The following QDPR variants were observed in gnomAD, a reference collection of about 807,000 sequenced individuals.
QDPR encodes the protein quinoid dihydropteridine reductase, also known as dihydropteridine reductase.
Under a neutral mutation model 31.7 loss-of-function variants are expected in QDPR, and 23 were observed. That is an observed-to-expected ratio of 0.73 (90% CI 0.52 to 1.03). The LOEUF (loss-of-function observed/expected upper bound fraction) is 1.03. Ranked by LOEUF, QDPR falls within the 50% of genes least tolerant of loss-of-function variation. The pLI is 0.00. For synonymous variants in QDPR, 124 were observed against 124.7 expected, an observed-to-expected ratio of 0.99 and a Z score of 0.03; for missense variants, 324 against 323.8, an observed-to-expected ratio of 1.00 and a Z score of 0.00.
chr4:17,511,292 T>G (rs1030964537), intron 1 of QDPR, among the ~76,000 whole-genome samples: 1 of 152,168 alleles, frequency 6.6e-6, no homozygotes, highest in African/African-American at 2.4e-5. Flanking sequence ...AATTGACACC[T>G]GACTATGCAA....
Position 17,509,341 on chromosome 4 carries a change from A to G in QDPR, c.128T>C (p.Val43Ala). Residue 43 changes from valine to alanine, a missense_variant, in exon 2 of 7, where the codon GTG becomes GCG. Physicochemically the swap from Val to Ala is moderately conservative, Grantham distance 64. Transcript: ENST00000281243. Reference sequence around the variant, plus strand: ...GCTAGCGCTGGCCTCTTCATTCTCCACCACATCAACGCTGGCAACCCACTG... The same window carrying G: ...GCTAGCGCTGGCCTCTTCATTCTCCGCCACATCAACGCTGGCAACCCACTG... Reference protein sequence around the residue: ...RNWWVASVDVVENEEASASII... With the variant: ...RNWWVASVDVAENEEASASII... The G allele has an allele frequency of 6.2e-7, 1 of 1,613,818 alleles. No homozygotes were observed. Among genetic ancestry groups the G allele is most frequent in the Non-Finnish European group, 8.5e-7 (1 of 1,179,838 alleles).
intron 6 of QDPR, 35 bp from the exon 7 acceptor site, chr4:17,487,271 CA>C: frequency 6.9e-7 from 1 of 1,452,152 alleles, no homozygotes; most frequent in African/African-American, 1.5e-5. Context: ...TTTATATTCT[CA>C]AAGCAAAAAT....
chr4:17,501,983 A>G, intron 3 of QDPR, 124 bp from the exon 4 acceptor site: 1 of 1,171,628 alleles, frequency 8.5e-7, no homozygotes, highest in Non-Finnish European at 1.2e-6. Context: ...ATCTACAGCA[A>G]GGTCTAACAC....
intron 1 of QDPR, chr4:17,510,070 A>C (rs1481828832): frequency 2.3e-6 from 1 of 427,842 alleles, no homozygotes; most frequent in Admixed American, 2.7e-5. Flanking sequence ...GAATTTCATT[A>C]ATTTTCATAT....
intron 6 of QDPR, chr4:17,490,187 A>G: frequency 9.9e-6 from 2 of 201,326 alleles, no homozygotes; most frequent in Non-Finnish European, 2.1e-5. Flanking sequence ...ACAGATTCAG[A>G]TATGTGCCCC....
intron 4 of QDPR, among the ~76,000 whole-genome samples, chr4:17,497,740 A>T (rs1718417086): frequency 6.6e-6 from 1 of 152,166 alleles, no homozygotes; most frequent in Non-Finnish European, 1.5e-5. Context: ...AGCTTAGCCC[A>T]ACAAGCCAAG....
At chr4:17,511,874 TGCC>T (rs1719023199) in intron 1 of QDPR, 73 bp downstream of exon 1, 9 of 1,434,714 alleles carry the variant, frequency 6.3e-6, no homozygotes, top group Non-Finnish European at 8.4e-6. Context: ...TCCTCTAGAC[TGCC>T]CCCCGCCGGG....
intron 2 of QDPR, among the ~76,000 whole-genome samples, chr4:17,506,188 G>C (rs1417860031): frequency 6.6e-6 from 1 of 152,172 alleles, no homozygotes; most frequent in Non-Finnish European, 1.5e-5. Context: ...GGAGTGCAGT[G>C]GCATGATCTC....
At chr4:17,492,462 C>G (rs553437283) in intron 4 of QDPR, 122 bp from the exon 5 acceptor site, 130 of 808,956 alleles carry the variant, frequency 1.6e-4, no homozygotes, top group Non-Finnish European at 2.4e-4. Context: ...ATCTGGCCTC[C>G]TCCTTCAGGT....
At chr4:17,499,733 A>ATGG (rs1718492580) in intron 4 of QDPR, among the ~76,000 whole-genome samples, 1 of 152,200 alleles carries the variant, frequency 6.6e-6, no homozygotes, top group Admixed American at 6.5e-5. Context: ...CAGCCTGGGC[A>ATGG]TCATAGCGAG....
At chr4:17,497,331 A>G (rs1426492869) in intron 4 of QDPR, among the ~76,000 whole-genome samples, 2 of 152,040 alleles carry the variant, frequency 1.3e-5, no homozygotes, top group Non-Finnish European at 2.9e-5. Context: ...TTTTCCCATA[A>G]GCTCTATTTG....
intron 4 of QDPR, among the ~76,000 whole-genome samples, chr4:17,497,329 T>C (rs1718399184): frequency 6.6e-6 from 1 of 152,136 alleles, no homozygotes; most frequent in African/African-American, 2.4e-5. Flanking sequence ...TCTTTTCCCA[T>C]AAGCTCTATT....
Position 17,490,686 on chromosome 4 carries a change from C to A in QDPR, c.605G>T (p.Trp202Leu). Residue 202 changes from tryptophan to leucine, a missense_variant, in exon 6 of 7, where the codon TGG (tryptophan) becomes TTG (leucine). Transcript: ENST00000281243. ...CTCAACTAGGAATTCTAAGGGTGTC[C>A]AGGAGCTGAAGTCAGCCTCAGGCAT... is the stretch of plus-strand genomic sequence containing the variant. ...KSMPEADFSSWTPLEFLVETF... is the reference protein window; with the variant it reads ...KSMPEADFSSLTPLEFLVETF... 1 of 1,613,960 alleles carries A rather than the reference C, an allele frequency of 6.2e-7. No homozygotes were observed. The highest frequency in any genetic ancestry group is 8.5e-7 in the Non-Finnish European group (1 of 1,179,900).
At chr4:17,490,576 G>A in intron 6 of QDPR, 86 bp downstream of exon 6, 1 of 1,140,176 alleles carries the variant, frequency 8.8e-7, no homozygotes, top group East Asian at 2.4e-5. Context: ...ACGATCTCAG[G>A]GAACACAGAC....
intron 1 of QDPR, among the ~76,000 whole-genome samples, chr4:17,510,598 G>A (rs923357833): frequency 4.6e-5 from 7 of 152,132 alleles, no homozygotes; most frequent in Non-Finnish European, 8.8e-5. Context: ...GCTCGGAGGG[G>A]AAAGACCAAG....
intron 4 of QDPR, among the ~76,000 whole-genome samples, chr4:17,496,679 A>G (rs1718373321): frequency 6.6e-6 from 1 of 150,992 alleles, no homozygotes; most frequent in Admixed American, 6.6e-5. Context: ...TCTGTTGCCC[A>G]GGCTAGAGTG....
At chr4:17,511,043 AC>A (rs2108998355) in intron 1 of QDPR, among the ~76,000 whole-genome samples, 1 of 152,312 alleles carries the variant, frequency 6.6e-6, no homozygotes, top group South Asian at 2.1e-4. Context: ...ACTAAACTGT[AC>A]TTTTGCCCCC....
intron 4 of QDPR, among the ~76,000 whole-genome samples, chr4:17,496,641 T>G (rs1258001208): frequency 6.6e-6 from 1 of 151,562 alleles, no homozygotes; most frequent in African/African-American, 2.4e-5. Context: ...ATGGTGCTTT[T>G]CTTTTTTTTT....
chr4:17,490,424 T>C (rs1023404323), intron 6 of QDPR: 3 of 503,278 alleles, frequency 6.0e-6, no homozygotes, highest in African/African-American at 3.9e-5. Flanking sequence ...TGGCCGGTGG[T>C]GAGGGAGCGA....
Sources: allele counts gnomAD v4.1 joint callset (sites outside exome capture counted in the v4.1 genomes callset), GRCh38; gene constraint gnomAD v4.1.1; transcripts MANE v1.5; gene names NCBI Gene and HGNC (gene_info 2026-07-23, HGNC 2026-07-21).